KSR1: variants seen among roughly 807,000 people sequenced by gnomAD.
KSR1 encodes kinase suppressor of ras.
Under a neutral mutation model 92.9 loss-of-function variants are expected in KSR1, and 35 were observed. The observed-to-expected ratio is 0.38, with a 90% CI of 0.29 to 0.50. KSR1 has a LOEUF of 0.50. Among genes scored for constraint, KSR1 ranks in the 20% least tolerant of loss-of-function variants. The pLI is 0.94. For synonymous variants in KSR1, 467 were observed against 472.6 expected, an observed-to-expected ratio of 0.99 and a Z score of 0.15; for missense variants, 972 against 1,158.5, an observed-to-expected ratio of 0.84 and a Z score of 2.34.
chr17:27,533,813 G>T (rs1407345093), intron 1 of KSR1, among the ~76,000 whole-genome samples: 1 of 152,238 alleles, frequency 6.6e-6, no homozygotes, highest in Non-Finnish European at 1.5e-5. Flanking sequence ...AGTCACCCTT[G>T]TTGGAGTTAG....
intron 2 of KSR1, among the ~76,000 whole-genome samples, chr17:27,557,779 T>C (rs2071661438): frequency 6.6e-6 from 1 of 152,192 alleles, no homozygotes; most frequent in East Asian, 1.9e-4. Flanking sequence ...TACCTTCCCC[T>C]GAACCCTCCA....
At chr17:27,510,934 C>T (rs1017309878) in intron 1 of KSR1, among the ~76,000 whole-genome samples, 1 of 152,130 alleles carries the variant, frequency 6.6e-6, no homozygotes, top group African/African-American at 2.4e-5. Context: ...TAGCATGTTC[C>T]CCATTCCTTG....
At chr17:27,466,707 T>TGGAAA (rs2019717217) in intron 1 of KSR1, among the ~76,000 whole-genome samples, 1 of 152,238 alleles carries the variant, frequency 6.6e-6, no homozygotes, top group Non-Finnish European at 1.5e-5. Context: ...TGGCTCTGAA[T>TGGAAA]GGAAAGGAAA....
chr17:27,465,470 C>T (rs1265272122), intron 1 of KSR1: 3 of 151,964 alleles, frequency 2.0e-5, no homozygotes, highest in Admixed American at 1.3e-4. Flanking sequence ...CGCTTGAGCT[C>T]AGGAGTTCCA....
chr17:27,605,599 G>T lies in KSR1; in HGVS notation c.1780G>T (p.Gly594Cys). The stretch of plus-strand genomic sequence containing the variant: ...CATCCCCTTCGAGCAGGTAGAGCTG[G>T]GCGAGCCCATCGGGCAGGGCCGCTG... ...WDIPFEQVEL[G>C]EPIGQGRWGR... is the part of the protein sequence containing the mutation. The change falls in exon 14 of 21, where the codon GGC becomes TGC. Residue 594 changes from glycine to cysteine, a missense_variant. Gly to Cys is a radical substitution (Grantham distance 159). This residue lies in a region of KSR1 where 260 missense variants were observed against 375.2 expected (regional missense o/e 0.69). Transcript: ENST00000644974. 1 of 1,602,468 alleles carries T rather than the reference G, an allele frequency of 6.2e-7. No individual in the cohort carries two copies. The highest frequency in any genetic ancestry group is 8.5e-7 in the Non-Finnish European group (1 of 1,175,220).
At chr17:27,532,604 T>C (rs775253105) in intron 1 of KSR1, among the ~76,000 whole-genome samples, 5 of 152,174 alleles carry the variant, frequency 3.3e-5, no homozygotes, top group African/African-American at 7.2e-5. Flanking sequence ...AGGCCCTCGC[T>C]CTGGTTCTTT....
intron 1 of KSR1, among the ~76,000 whole-genome samples, chr17:27,536,989 G>A (rs1020301579): frequency 7.2e-5 from 11 of 152,350 alleles, no homozygotes; most frequent in Middle Eastern, 3.4e-3. Flanking sequence ...GGTAGACTCA[G>A]ATGATCCTGT....
At chr17:27,539,613 A>T (rs2070885447) in intron 1 of KSR1, among the ~76,000 whole-genome samples, 1 of 152,144 alleles carries the variant, frequency 6.6e-6, no homozygotes, top group African/African-American at 2.4e-5. Context: ...GAATGACTGG[A>T]TGATGGTCAG....
At chr17:27,516,423 T>A (rs1475856532) in intron 1 of KSR1, among the ~76,000 whole-genome samples, 1 of 152,210 alleles carries the variant, frequency 6.6e-6, no homozygotes, top group Admixed American at 6.5e-5. Flanking sequence ...CATATTTACC[T>A]GATGAGAGAG....
chr17:27,461,844 G>T (rs1182896262), intron 1 of KSR1, among the ~76,000 whole-genome samples: 2 of 152,232 alleles, frequency 1.3e-5, no homozygotes. Flanking sequence ...AAAGTGCGCC[G>T]CAGGTATTCT....
chr17:27,508,122 A>G (rs1439583392), intron 1 of KSR1, among the ~76,000 whole-genome samples: 1 of 152,052 alleles, frequency 6.6e-6, no homozygotes, highest in Admixed American at 6.5e-5. Context: ...TGTGGCAGCC[A>G]CCCTGCTAAT....
chr17:27,549,469 G>A (rs563098819), intron 1 of KSR1, among the ~76,000 whole-genome samples: 43 of 152,270 alleles, frequency 2.8e-4, no homozygotes, highest in African/African-American at 8.9e-4. Flanking sequence ...TCTGTATCCC[G>A]TGTTCCCCAG....
At chr17:27,469,095 T>C (rs1271304935) in intron 1 of KSR1, among the ~76,000 whole-genome samples, 1 of 152,198 alleles carries the variant, frequency 6.6e-6, no homozygotes, top group Non-Finnish European at 1.5e-5. Flanking sequence ...GGTGCTATTC[T>C]CTGGGAGCCC....
chr17:27,469,576 C>T (rs1047332146), intron 1 of KSR1, among the ~76,000 whole-genome samples: 2 of 152,112 alleles, frequency 1.3e-5, no homozygotes, highest in African/African-American at 4.8e-5. Context: ...CTCTGGACCT[C>T]AGTTTTCTTG....
At chr17:27,482,328 C>T (rs900461586) in intron 1 of KSR1, among the ~76,000 whole-genome samples, 18 of 152,282 alleles carry the variant, frequency 1.2e-4, no homozygotes, top group African/African-American at 4.3e-4. Context: ...TGCAGAACAC[C>T]AGCAAGGAGA....
intron 10 of KSR1, 26 bp from the exon 11 acceptor site, chr17:27,601,334 T>A (rs751959132): frequency 6.2e-7 from 1 of 1,608,792 alleles, no homozygotes. Context: ...TCTGTGTGTG[T>A]GACTCACCTC....
intron 1 of KSR1, among the ~76,000 whole-genome samples, chr17:27,514,660 C>CAA (rs1177388900): frequency 1.2e-3 from 109 of 92,660 alleles, no homozygotes; most frequent in African/African-American, 3.6e-3. Context: ...AACTCCATCT[C>CAA]AAAAAAAAAA....
At chr17:27,574,662 A>C (rs2072436950) in intron 2 of KSR1, among the ~76,000 whole-genome samples, 1 of 152,212 alleles carries the variant, frequency 6.6e-6, no homozygotes. Flanking sequence ...TATCTTCATT[A>C]GGGTTAGTTT....
chr17:27,547,993 G>T (rs1030640806), intron 1 of KSR1, among the ~76,000 whole-genome samples: 1 of 152,150 alleles, frequency 6.6e-6, no homozygotes, highest in Non-Finnish European at 1.5e-5. Flanking sequence ...GATTACAGGC[G>T]TGAGCCACCA....
Sources: allele counts gnomAD v4.1 joint callset (sites outside exome capture counted in the v4.1 genomes callset), GRCh38; gene constraint gnomAD v4.1.1; regional missense constraint gnomAD v4.1.1; transcripts MANE v1.5; gene names NCBI Gene and HGNC (gene_info 2026-07-23, HGNC 2026-07-21).